Variants in HAUS7 observed in about 807,000 individuals in gnomAD.
The protein encoded by HAUS7 is HAUS augmin-like complex subunit 7.
HAUS7 carries 3 observed loss-of-function variants against 28.4 expected under a neutral mutation model. The ratio of observed to expected loss-of-function variants is 0.11; its 90% CI spans 0.05 to 0.27. The LOEUF (loss-of-function observed/expected upper bound fraction) is 0.27. Among genes scored for constraint, HAUS7 ranks in the 10% least tolerant of loss-of-function variants. The probability of loss-of-function intolerance (pLI) is 1.00; values close to 1 mark genes in which losing one functional copy is unlikely to be tolerated. For missense variants in HAUS7, 284 were observed against 297.3 expected (o/e 0.96, Z 0.33); for synonymous variants, 165 against 132.1 (o/e 1.25, Z -1.71).
At chrX:153,467,952 T>G (rs1399227703) in intron 2 of HAUS7, among the ~76,000 whole-genome samples, 1 of 112,298 alleles carries the variant, frequency 8.9e-6, no homozygotes, top group Non-Finnish European at 1.9e-5. Flanking sequence ...CTTTGCGGGC[T>G]GTACAGGAGG....
At chrX:153,470,103 T>G (rs2089502148) in intron 1 of HAUS7, among the ~76,000 whole-genome samples, 1 of 112,818 alleles carries the variant, frequency 8.9e-6, no homozygotes, top group African/African-American at 3.2e-5. Context: ...CACGAGGCTC[T>G]GCCCATCTGT....
intron 1 of HAUS7, among the ~76,000 whole-genome samples, chrX:153,479,820 G>A (rs956711121): frequency 1.8e-5 from 2 of 111,595 alleles, no homozygotes; most frequent in African/African-American, 3.3e-5. Context: ...GGAGGGGCCA[G>A]GTGGGTGGGT....
At chrX:153,462,491 G>T in intron 4 of HAUS7, 119 bp downstream of exon 4, 1 of 617,616 alleles carries the variant, frequency 1.6e-6, no homozygotes, top group Non-Finnish European at 2.7e-6. Context: ...CCCAGGGCCT[G>T]AGGAACCTCA....
intron 1 of HAUS7, chrX:153,485,870 G>A (rs782154221): frequency 5.1e-5 from 47 of 914,943 alleles, no homozygotes; most frequent in South Asian, 5.1e-4. Context: ...CGACCACATC[G>A]AGCGCATCCC....
chrX:153,477,726 G>A (rs146269563), intron 1 of HAUS7, among the ~76,000 whole-genome samples: 121 of 112,706 alleles, frequency 1.1e-3, no homozygotes, highest in African/African-American at 3.8e-3. Flanking sequence ...CCTGACTCCA[G>A]AGGCATTTGC....
At chrX:153,477,724 C>T (rs1376764036) in intron 1 of HAUS7, among the ~76,000 whole-genome samples, 5 of 112,649 alleles carry the variant, frequency 4.4e-5, no homozygotes, top group African/African-American at 1.6e-4. Flanking sequence ...TCCCTGACTC[C>T]AGAGGCATTT....
intron 1 of HAUS7, 97 bp downstream of exon 1, chrX:153,470,353 G>C: frequency 1.1e-6 from 1 of 888,143 alleles, no homozygotes; most frequent in Non-Finnish European, 1.6e-6. Context: ...GACGGTGGCC[G>C]CGTGGCGCCG....
intron 4 of HAUS7, chrX:153,462,094 G>A: frequency 9.8e-7 from 1 of 1,022,133 alleles, no homozygotes; most frequent in Non-Finnish European, 1.3e-6. Context: ...AAGAAAACGT[G>A]TTCAGTCAAA....
upstream of HAUS7, among the ~76,000 whole-genome samples, chrX:153,474,703 AGG>A (rs2089550477): frequency 2.7e-5 from 1 of 36,575 alleles, no homozygotes; most frequent in Admixed American, 3.4e-4. Flanking sequence ...GCAACGGGAG[AGG>A]CGGGGGCGGG....
intron 1 of HAUS7, chrX:153,495,244 C>T (rs1319011549): frequency 8.9e-6 from 1 of 111,784 alleles, no homozygotes; most frequent in Admixed American, 9.4e-5. Context: ...CCGGTGCTCT[C>T]TGTAGGCTGC....
At chrX:153,483,886 G>A (rs2089618079) in intron 1 of HAUS7, among the ~76,000 whole-genome samples, 1 of 112,310 alleles carries the variant, frequency 8.9e-6, no homozygotes, top group Non-Finnish European at 1.9e-5. Context: ...GTTAGGAGGT[G>A]ACAGGGGCAG....
At chrX:153,468,530 T>G (rs782441295) in intron 2 of HAUS7, among the ~76,000 whole-genome samples, 1 of 112,678 alleles carries the variant, frequency 8.9e-6, no homozygotes, top group Admixed American at 9.3e-5. Context: ...TGGGACACTC[T>G]GGATCATTTC....
At chrX:153,493,376 C>T (rs1479919002) in intron 1 of HAUS7, among the ~76,000 whole-genome samples, 4 of 112,110 alleles carry the variant, frequency 3.6e-5, no homozygotes, top group East Asian at 2.8e-4. Flanking sequence ...CGCTCTCTAC[C>T]GACATATTTC....
chrX:153,495,069 A>C (rs1473040623), intron 1 of HAUS7: 1 of 109,604 alleles, frequency 9.1e-6, no homozygotes, highest in African/African-American at 3.3e-5. Context: ...CCACCACCCC[A>C]GCCCGCCAAC....
chrX:153,490,583 C>G (rs2089665621), intron 1 of HAUS7, among the ~76,000 whole-genome samples: 1 of 112,984 alleles, frequency 8.9e-6, no homozygotes, highest in Non-Finnish European at 1.9e-5. Context: ...TCCAGAGACC[C>G]TTGAGTGGTG....
intron 1 of HAUS7, among the ~76,000 whole-genome samples, chrX:153,482,102 T>C (rs782727600): frequency 1.8e-5 from 2 of 112,036 alleles, no homozygotes; most frequent in South Asian, 7.4e-4. Flanking sequence ...TGGTGTGACG[T>C]GTTCCATCGC....
At chrX:153,450,015 G>C (rs1278659634) in intron 9 of HAUS7, among the ~76,000 whole-genome samples, 3 of 112,238 alleles carry the variant, frequency 2.7e-5, no homozygotes, top group Non-Finnish European at 5.6e-5. Context: ...TGCTCATCCA[G>C]GGCTTCCTTC....
Position 153,492,580 on chromosome X carries a change from A to G in HAUS7, c.-589+2794T>C, listed in dbSNP as rs782736460. Among the ~76,000 whole-genome samples the G allele has an allele frequency of 9.8e-4, 110 of 111,820 alleles. 1 individual carries two copies. Among genetic ancestry groups the G allele is most frequent in the African/African-American group, 3.4e-3 (106 of 30,774 alleles). On this transcript the variant is annotated intron_variant, in intron 1 of 5. Coordinates refer to the HAUS7 transcript ENST00000370210. ...GCCCCCAACTTCAGGTAAGAGCTGCAAGGTGCATGCATAATGTGTCTCCCC... is the reference window on the plus strand; with the variant it reads ...GCCCCCAACTTCAGGTAAGAGCTGCGAGGTGCATGCATAATGTGTCTCCCC...
At chrX:153,489,676 G>T (rs1392838178) in intron 1 of HAUS7, among the ~76,000 whole-genome samples, 2 of 112,442 alleles carry the variant, frequency 1.8e-5, no homozygotes, top group Non-Finnish European at 3.8e-5. Context: ...CCTCCCTGGG[G>T]CTGGGCCTGT....
Sources: allele counts gnomAD v4.1 joint callset (sites outside exome capture counted in the v4.1 genomes callset), GRCh38; gene constraint gnomAD v4.1.1; transcripts MANE v1.5; gene names NCBI Gene and HGNC (gene_info 2026-07-23, HGNC 2026-07-21).